The following STXBP5L variants were observed in gnomAD, a reference collection of about 807,000 sequenced individuals.
STXBP5L encodes the protein syntaxin-binding protein 5-like.
In STXBP5L, 65 loss-of-function variants were observed where a neutral mutation model predicts 144.5. The ratio of observed to expected loss-of-function variants is 0.45; its 90% CI spans 0.37 to 0.55. The LOEUF (loss-of-function observed/expected upper bound fraction) is 0.55. STXBP5L is among the 20% of genes least tolerant of loss of function. STXBP5L has a pLI of 0.00. For missense variants in STXBP5L, 1,298 were observed against 1,405.5 expected, an observed-to-expected ratio of 0.92 and a Z score of 1.22; for synonymous variants, 505 against 469.6, an observed-to-expected ratio of 1.08 and a Z score of -0.97.
intron 5 of STXBP5L, among the ~76,000 whole-genome samples, chr3:121,048,815 AGCTGGGACTACAGGT>A (rs1441375354): frequency 6.6e-6 from 1 of 151,984 alleles, no homozygotes; most frequent in East Asian, 1.9e-4. Flanking sequence ...CCTCCTGAGT[AGCTGGGACTACAGGT>A]GCTGGGAGCC....
chr3:121,098,330 A>G (rs544996918), intron 5 of STXBP5L, among the ~76,000 whole-genome samples: 15 of 152,286 alleles, frequency 9.8e-5, no homozygotes, highest in African/African-American at 2.9e-4. Flanking sequence ...GGAGCAGAGT[A>G]TCATGTGGTT....
intron 5 of STXBP5L, among the ~76,000 whole-genome samples, chr3:121,072,088 G>C (rs528091362): frequency 2.2e-4 from 33 of 152,298 alleles, no homozygotes; most frequent in Admixed American, 7.8e-4. Flanking sequence ...TACTATTTCT[G>C]TCACAAATGC....
intron 3 of STXBP5L, among the ~76,000 whole-genome samples, chr3:121,015,667 G>T (rs1474409474): frequency 2.0e-5 from 3 of 152,068 alleles, no homozygotes; most frequent in African/African-American, 7.2e-5. Flanking sequence ...ACTCTGGCAG[G>T]GTGCTTATTC....
At chr3:121,224,214 C>G (rs2049053135) in intron 11 of STXBP5L, among the ~76,000 whole-genome samples, 1 of 152,062 alleles carries the variant, frequency 6.6e-6, no homozygotes, top group African/African-American at 2.4e-5. Flanking sequence ...GTAATATGGT[C>G]TCCACATGAC....
At chr3:121,090,215 G>A (rs1035158935) in intron 5 of STXBP5L, among the ~76,000 whole-genome samples, 1 of 151,988 alleles carries the variant, frequency 6.6e-6, no homozygotes, top group Non-Finnish European at 1.5e-5. Flanking sequence ...TTTGACATTG[G>A]TCTGGCAGGG....
intron 20 of STXBP5L, among the ~76,000 whole-genome samples, chr3:121,377,871 A>G (rs2046229444): frequency 6.6e-6 from 1 of 152,210 alleles, no homozygotes; most frequent in Non-Finnish European, 1.5e-5. Context: ...ACATGCACAC[A>G]TATGTTTATT....
At chr3:120,912,227 C>T (rs1054588570) in intron 2 of STXBP5L, among the ~76,000 whole-genome samples, 11 of 151,970 alleles carry the variant, frequency 7.2e-5, no homozygotes, top group African/African-American at 2.7e-4. Context: ...GATTACACTT[C>T]ATTTTGTTAC....
chr3:121,129,264 A>G (rs914435998), intron 7 of STXBP5L, among the ~76,000 whole-genome samples: 1 of 152,048 alleles, frequency 6.6e-6, no homozygotes, highest in Non-Finnish European at 1.5e-5. Flanking sequence ...GTGGGAAAGG[A>G]AAATGGAATC....
At chr3:121,352,390 G>A (rs768360513) in intron 20 of STXBP5L, among the ~76,000 whole-genome samples, 2 of 151,990 alleles carry the variant, frequency 1.3e-5, no homozygotes, top group Non-Finnish European at 2.9e-5. Flanking sequence ...CCTTGAAGAG[G>A]TCCTTCACAT....
Position 121,068,483 on chromosome 3 carries a change from C to T in STXBP5L, c.470+22948C>T, listed in dbSNP as rs183579806. Among the ~76,000 whole-genome samples the T allele has an allele frequency of 4.2e-4, 63 of 151,672 alleles. 1 individual carries two copies. The highest frequency in any genetic ancestry group is 1.4e-3 in the African/African-American group (57 of 41,348). ...TATATGACATTAATATGTATTTTTT[C>T]ACGCTTTTTGAGGGATTATCTTTAA... On this transcript the variant is annotated intron_variant, in intron 5 of 26. Transcript: ENST00000471454.
At chr3:121,036,796 A>G (rs1392889623) in intron 3 of STXBP5L, among the ~76,000 whole-genome samples, 1 of 86,828 alleles carries the variant, frequency 1.2e-5, no homozygotes, top group African/African-American at 5.0e-5. Context: ...TTTTTTTATT[A>G]TACTCTAAGT....
At chr3:121,285,242 A>T (rs1203343974) in intron 19 of STXBP5L, among the ~76,000 whole-genome samples, 3 of 152,066 alleles carry the variant, frequency 2.0e-5, no homozygotes, top group Non-Finnish European at 4.4e-5. Context: ...GATATATATT[A>T]GTATATTTCT....
At position 120,997,485 on chromosome 3, in the gene STXBP5L, C is replaced by G. The variant is rs80035340; in HGVS notation, c.287+42448C>G. Among the ~76,000 whole-genome samples the G allele has an allele frequency of 7.8e-3, 1,193 of 152,206 alleles. 12 individuals are homozygous for G. Among genetic ancestry groups the G allele is most frequent in the African/African-American group, 0.028 (1,150 of 41,522 alleles). ...TTTGACTTTTCAATAGCCATTCTGA[C>G]TGGTATGATATATTTTATTGTGATT... is the stretch of plus-strand genomic sequence containing the variant. On this transcript the variant is annotated intron_variant, in intron 3 of 26. Transcript: ENST00000471454.
In STXBP5L at chr3:121,142,476, A is replaced by G. The variant is rs568574934; in HGVS notation, c.670-10001A>G. Among the ~76,000 whole-genome samples, 9 of 152,122 alleles carry G rather than the reference A, an allele frequency of 5.9e-5. 1 individual carries two copies. In the South Asian group the frequency reaches 1.9e-3, roughly 32 times the overall value. ...CATTTTTCTCAAGCACACATGGAAT[A>G]TTCTCCAAAATAGATAACACGTTAG... On this transcript the variant is annotated intron_variant, in intron 7 of 26. Transcript: ENST00000471454.
At chr3:121,280,414 T>A (rs1255859259) in intron 19 of STXBP5L, among the ~76,000 whole-genome samples, 1 of 151,952 alleles carries the variant, frequency 6.6e-6, no homozygotes. Context: ...AGCTGACTCC[T>A]TTCCTTGTTG....
chr3:121,006,149 G>T (rs1213289040), intron 3 of STXBP5L, among the ~76,000 whole-genome samples: 1 of 152,112 alleles, frequency 6.6e-6, no homozygotes, highest in African/African-American at 2.4e-5. Context: ...GTTGACAGTG[G>T]GGTGTTAAAG....
At chr3:121,164,625 A>G (rs946856933) in intron 9 of STXBP5L, among the ~76,000 whole-genome samples, 2 of 152,204 alleles carry the variant, frequency 1.3e-5, no homozygotes, top group Non-Finnish European at 2.9e-5. Context: ...TAGCCAAGAT[A>G]TGGAAACAGC....
intron 7 of STXBP5L, among the ~76,000 whole-genome samples, chr3:121,123,384 T>C (rs2044558941): frequency 6.6e-6 from 1 of 151,670 alleles, no homozygotes; most frequent in Non-Finnish European, 1.5e-5. Context: ...ATTAAAATAG[T>C]CTAAATGTCT....
chr3:121,304,983 G>GA (rs969760680), intron 19 of STXBP5L, among the ~76,000 whole-genome samples: 1 of 150,480 alleles, frequency 6.6e-6, no homozygotes, highest in Admixed American at 6.6e-5. Flanking sequence ...TACCAGGAGT[G>GA]AAAAAAAAGC....
Sources: allele counts gnomAD v4.1 joint callset (sites outside exome capture counted in the v4.1 genomes callset), GRCh38; gene constraint gnomAD v4.1.1; transcripts MANE v1.5; gene names NCBI Gene and HGNC (gene_info 2026-07-23, HGNC 2026-07-21).